PUS10: variants seen among roughly 807,000 people sequenced by gnomAD.
The protein encoded by PUS10 is tRNA pseudouridine synthase Pus10.
A neutral mutation model predicts 75.0 loss-of-function variants in PUS10; 59 were observed. That is an observed-to-expected ratio of 0.79 (90% CI 0.64 to 0.98). The LOEUF is 0.98. Among genes scored for constraint, PUS10 ranks in the 50% least tolerant of loss-of-function variants. The pLI is 0.00. For missense variants in PUS10, 650 were observed against 614.4 expected (o/e 1.06, Z -0.61); for synonymous variants, 219 against 211.6 (o/e 1.03, Z -0.30).
chr2:60,947,991 T>C (rs1052464138), intron 16 of PUS10, 52 bp downstream of exon 16: 51 of 1,607,696 alleles, frequency 3.2e-5, no homozygotes, highest in Non-Finnish European at 4.3e-5. Flanking sequence ...ACCATGAACT[T>C]TTCCAATAGA....
chr2:60,997,373 G>A (rs1678541455), intron 4 of PUS10, among the ~76,000 whole-genome samples: 1 of 152,134 alleles, frequency 6.6e-6, no homozygotes, highest in Non-Finnish European at 1.5e-5. Context: ...CACTTTGAGA[G>A]GCCGAGGTGG....
chr2:60,974,773 G>C (rs970316943), intron 4 of PUS10, among the ~76,000 whole-genome samples: 1 of 152,242 alleles, frequency 6.6e-6, no homozygotes, highest in Non-Finnish European at 1.5e-5. Flanking sequence ...TGCAGCCAGC[G>C]TGCCTGCTGT....
At chr2:60,988,792 T>C (rs1285342439) in intron 4 of PUS10, among the ~76,000 whole-genome samples, 1 of 151,456 alleles carries the variant, frequency 6.6e-6, no homozygotes, top group African/African-American at 2.4e-5. Context: ...CGCGCCACCA[T>C]ACCGGGTTAA....
rs1379987981 is a variant in PUS10, at chr2:60,967,556, T to C, written c.561A>G (p.Lys187=). The change falls in exon 6 of 18, where the codon AAA becomes AAG. Residue 187 remains lysine, a synonymous_variant. Coordinates refer to ENST00000316752, the MANE Select transcript of PUS10 (RefSeq NM_144709.4). ...DDIVQLKEAY[K]WITHPLFSEE... is the part of the protein sequence containing the mutation. ...CTGAAAACAGGGGGTGAGTTATCCA[T>C]TTGTAGGCTTCTTTTAGCTGAACTA... 7 of 1,610,086 alleles carry C rather than the reference T, an allele frequency of 4.3e-6. No homozygotes were observed. Among genetic ancestry groups the C allele is most frequent in the Non-Finnish European group, 5.1e-6 (6 of 1,178,146 alleles).
At chr2:60,980,534 C>T (rs906036235) in intron 4 of PUS10, among the ~76,000 whole-genome samples, 19 of 152,188 alleles carry the variant, frequency 1.2e-4, no homozygotes, top group African/African-American at 4.3e-4. Context: ...AACTCTGTGC[C>T]TTTCATCCAA....
chr2:60,967,776 T>C (rs1001120775), intron 5 of PUS10, among the ~76,000 whole-genome samples, 163 bp from the exon 6 acceptor site: 1 of 152,086 alleles, frequency 6.6e-6, no homozygotes, highest in African/African-American at 2.4e-5. Context: ...CAGACAAAAA[T>C]TCCTCACCTC....
chr2:60,970,326 A>G (rs1353573586), intron 5 of PUS10, among the ~76,000 whole-genome samples: 1 of 152,206 alleles, frequency 6.6e-6, no homozygotes, highest in East Asian at 1.9e-4. Flanking sequence ...AAAACAAACA[A>G]AAAAGCCAAA....
At chr2:60,948,253 C>T in intron 15 of PUS10, 68 bp from the exon 16 acceptor site, 1 of 1,481,508 alleles carries the variant, frequency 6.7e-7, no homozygotes, top group Non-Finnish European at 9.4e-7. Context: ...TGTCTTAGCC[C>T]TTCCCTCACC....
chr2:60,992,521 T>A (rs1678174428), intron 4 of PUS10, among the ~76,000 whole-genome samples: 1 of 152,160 alleles, frequency 6.6e-6, no homozygotes, highest in Non-Finnish European at 1.5e-5. Flanking sequence ...TTTCTAGTGA[T>A]AATACTAAAG....
intron 4 of PUS10, among the ~76,000 whole-genome samples, chr2:60,980,370 C>T (rs921822879): frequency 2.0e-5 from 3 of 152,116 alleles, no homozygotes; most frequent in Non-Finnish European, 4.4e-5. Flanking sequence ...TACAGTGAAG[C>T]CCCATTCTAA....
At chr2:60,946,017 TACTC>T (rs1674924201) in intron 16 of PUS10, among the ~76,000 whole-genome samples, 1 of 152,250 alleles carries the variant, frequency 6.6e-6, no homozygotes, top group South Asian at 2.1e-4. Flanking sequence ...CTGAACGTTT[TACTC>T]ACTCTACCTT....
intron 15 of PUS10, among the ~76,000 whole-genome samples, chr2:60,949,506 C>T (rs765533746): frequency 2.6e-5 from 4 of 151,946 alleles, no homozygotes; most frequent in East Asian, 1.9e-4. Context: ...CATTGCACTC[C>T]GCTGCTCCCA....
intron 16 of PUS10, among the ~76,000 whole-genome samples, chr2:60,946,621 T>G (rs1329392137): frequency 6.6e-6 from 1 of 152,204 alleles, no homozygotes; most frequent in African/African-American, 2.4e-5. Context: ...TCTAAATTGA[T>G]CATCCTTTGA....
intron 1 of PUS10, chr2:61,017,520 G>C: frequency 2.0e-6 from 1 of 505,650 alleles, no homozygotes; most frequent in Non-Finnish European, 3.6e-6. Context: ...TTACCCTGAG[G>C]TTTAGAAAGG....
rs751552205 is a variant in PUS10, at chr2:61,006,622, A to T, written c.403T>A (p.Ser135Thr). The T allele has an allele frequency of 6.2e-7, 1 of 1,612,762 alleles. No individual in the cohort carries two copies. Among genetic ancestry groups the T allele is most frequent in the African/African-American group, 1.3e-5 (1 of 74,858 alleles). ...IKKVCQKVEA[S>T]GFEFTSLVFS... ...ACCAAGCTGGTGAATTCAAACCCAG[A>T]GGCCTCAACCTTTTGGCACACCTGA... Residue 135 changes from serine to threonine, a missense_variant, in exon 4 of 18, where the codon TCT becomes ACT. Physicochemically the swap from Ser to Thr is moderately conservative, Grantham distance 58. Transcript: ENST00000316752.
At chr2:60,977,562 G>T (rs901178279) in intron 4 of PUS10, among the ~76,000 whole-genome samples, 1 of 152,104 alleles carries the variant, frequency 6.6e-6, no homozygotes, top group African/African-American at 2.4e-5. Context: ...TTGTACTATT[G>T]TTTTTCTTGT....
intron 4 of PUS10, among the ~76,000 whole-genome samples, chr2:60,988,806 T>C (rs890090213): frequency 2.0e-5 from 3 of 151,508 alleles, no homozygotes; most frequent in Non-Finnish European, 2.9e-5. Context: ...GGGTTAATTT[T>C]TTTTTTTTTT....
At chr2:60,944,302 C>G in intron 17 of PUS10, 1 of 764,224 alleles carries the variant, frequency 1.3e-6, no homozygotes, top group South Asian at 5.9e-5. Context: ...GGAAGTAATA[C>G]TCCAGTGATC....
At chr2:60,958,545 A>T (rs552695198) in intron 11 of PUS10, among the ~76,000 whole-genome samples, 4 of 152,268 alleles carry the variant, frequency 2.6e-5, no homozygotes, top group African/African-American at 9.6e-5. Flanking sequence ...TGCTTATCTT[A>T]AGGTCTTTCA....
Sources: gnomAD v4.1 joint callset for allele counts (sites outside exome capture counted in the v4.1 genomes callset) on GRCh38, gnomAD v4.1.1 for gene constraint, MANE v1.5 for transcripts, NCBI Gene and HGNC (gene_info 2026-07-23, HGNC 2026-07-21) for gene names.